The following NBAS variants were observed in gnomAD, a reference collection of about 807,000 sequenced individuals.
NBAS encodes NBAS subunit of NRZ tethering complex, also known as NAG/BC035112 fusion.
In NBAS, 219 loss-of-function variants were observed where a neutral mutation model predicts 302.5. The ratio of observed to expected loss-of-function variants is 0.72; its 90% CI spans 0.65 to 0.81. NBAS has a LOEUF of 0.81. Among genes scored for constraint, NBAS ranks in the 30% least tolerant of loss-of-function variants. The pLI is 0.00. For missense variants in NBAS, 2,932 were observed against 2,841.6 expected (o/e 1.03, Z -0.72); for synonymous variants, 1,118 against 1,021.6 (o/e 1.09, Z -1.80).
chr2:15,354,864 C>CA (rs1673536797), intron 33 of NBAS, among the ~76,000 whole-genome samples: 1 of 152,176 alleles, frequency 6.6e-6, no homozygotes, highest in Non-Finnish European at 1.5e-5. Flanking sequence ...ACTTATCCCT[C>CA]AGCGGTGATA....
At chr2:15,212,288 C>T (rs767043574) in intron 48 of NBAS, among the ~76,000 whole-genome samples, 5 of 152,202 alleles carry the variant, frequency 3.3e-5, no homozygotes, top group Non-Finnish European at 7.3e-5. Flanking sequence ...TCTCCCTAAA[C>T]ATAGATCTGT....
At chr2:15,467,002 C>T (rs1203138063) in intron 19 of NBAS, among the ~76,000 whole-genome samples, 1 of 149,498 alleles carries the variant, frequency 6.7e-6, no homozygotes, top group Non-Finnish European at 1.5e-5. Flanking sequence ...CTAGTATATA[C>T]TGAAATCTGG....
intron 10 of NBAS, 73 bp from the exon 11 acceptor site, chr2:15,504,286 G>A: frequency 8.4e-7 from 1 of 1,194,894 alleles, no homozygotes; most frequent in Non-Finnish European, 1.2e-6. Context: ...CCTTTATAAT[G>A]AAATGAAAAC....
the NBAS span, among the ~76,000 whole-genome samples, chr2:14,848,912 G>A: frequency 1.9e-3 from 291 of 149,706 alleles, no homozygotes; most frequent in Admixed American, 3.8e-3. Context: ...CATCCACACC[G>A]AAAACCCATC....
the NBAS span, among the ~76,000 whole-genome samples, chr2:14,812,154 G>A: frequency 2.0e-5 from 3 of 152,180 alleles, no homozygotes; most frequent in Non-Finnish European, 2.9e-5. Flanking sequence ...TAGGCTAGGG[G>A]CCTCAGCTTC....
intron 25 of NBAS, among the ~76,000 whole-genome samples, chr2:15,407,962 C>T (rs558870906): frequency 2.6e-5 from 4 of 152,162 alleles, no homozygotes; most frequent in Non-Finnish European, 4.4e-5. Context: ...TGTCTCAAGG[C>T]CCCTTTCTCT....
chr2:14,827,936 A>G, the NBAS span, among the ~76,000 whole-genome samples: 2 of 152,206 alleles, frequency 1.3e-5, no homozygotes, highest in Admixed American at 6.5e-5. Context: ...TATGTTAAGT[A>G]TTTTTACAAT....
At chr2:15,423,925 A>G (rs1677328732) in intron 23 of NBAS, among the ~76,000 whole-genome samples, 1 of 152,244 alleles carries the variant, frequency 6.6e-6, no homozygotes. Context: ...AAACAACTTC[A>G]AACAGGGTTC....
chr2:14,916,945 T>C, the NBAS span, among the ~76,000 whole-genome samples: 2 of 152,182 alleles, frequency 1.3e-5, no homozygotes, highest in Admixed American at 6.5e-5. Flanking sequence ...TGAATAACAC[T>C]AGAAAGCAGA....
At chr2:15,438,184 C>A (rs1015103264) in intron 21 of NBAS, among the ~76,000 whole-genome samples, 4 of 152,238 alleles carry the variant, frequency 2.6e-5, no homozygotes, top group African/African-American at 9.7e-5. Context: ...TTAAGGAAAG[C>A]CTTTCACCTG....
At chr2:15,133,560 T>C in the NBAS span, among the ~76,000 whole-genome samples, 1 of 152,204 alleles carries the variant, frequency 6.6e-6, no homozygotes, top group Non-Finnish European at 1.5e-5. Context: ...GAAGATAAAA[T>C]GGGAAAATTG....
At chr2:14,856,217 T>A in the NBAS span, among the ~76,000 whole-genome samples, 1 of 152,216 alleles carries the variant, frequency 6.6e-6, no homozygotes, top group Admixed American at 6.5e-5. Flanking sequence ...TCTATGAGTC[T>A]GCAAGAACTA....
At chr2:15,369,551 T>G (rs1177500970) in intron 31 of NBAS, among the ~76,000 whole-genome samples, 1 of 152,244 alleles carries the variant, frequency 6.6e-6, no homozygotes, top group Non-Finnish European at 1.5e-5. Flanking sequence ...GGACAATCAC[T>G]ATACCAGTTC....
chr2:15,106,771 G>A, the NBAS span, among the ~76,000 whole-genome samples: 1 of 152,020 alleles, frequency 6.6e-6, no homozygotes, highest in Non-Finnish European at 1.5e-5. Flanking sequence ...TATCTGGCAG[G>A]TAGAGGGAGC....
At chr2:15,160,592 A>AGGG in the NBAS span, among the ~76,000 whole-genome samples, 5 of 56,488 alleles carry the variant, frequency 8.9e-5, no homozygotes, top group African/African-American at 2.5e-4. Flanking sequence ...GGGCGGGGGG[A>AGGG]GGGGGGGGGG....
At chr2:14,946,406 G>C in the NBAS span, among the ~76,000 whole-genome samples, 4 of 152,082 alleles carry the variant, frequency 2.6e-5, no homozygotes, top group Admixed American at 1.3e-4. Flanking sequence ...GCCAGGAGTG[G>C]GATGGCTACA....
chr2:15,192,742 T>A (rs1268892120), intron 48 of NBAS, among the ~76,000 whole-genome samples: 1 of 152,170 alleles, frequency 6.6e-6, no homozygotes, highest in Non-Finnish European at 1.5e-5. Flanking sequence ...TTAAGAAGTA[T>A]CTAAAATCCA....
the NBAS span, among the ~76,000 whole-genome samples, chr2:15,082,629 AATCATTCCCAG>A: frequency 6.6e-6 from 1 of 152,120 alleles, no homozygotes; most frequent in African/African-American, 2.4e-5. Flanking sequence ...AGCCCTACAG[AATCATTCCCAG>A]AGCCCCCAAG....
the NBAS span, among the ~76,000 whole-genome samples, chr2:15,003,881 TCG>T: frequency 6.6e-6 from 1 of 152,232 alleles, no homozygotes; most frequent in Non-Finnish European, 1.5e-5. Flanking sequence ...GAATGCTCTC[TCG>T]CTGCTGAAAG....
Sources: gnomAD v4.1 joint callset for allele counts (sites outside exome capture counted in the v4.1 genomes callset) on GRCh38, gnomAD v4.1.1 for gene constraint, MANE v1.5 for transcripts, NCBI Gene and HGNC (gene_info 2026-07-23, HGNC 2026-07-21) for gene names.